ASIC2: variants seen among roughly 807,000 people sequenced by gnomAD.
ASIC2 encodes acid sensing ion channel subunit 2.
A neutral mutation model predicts 57.3 loss-of-function variants in ASIC2; 25 were observed. That is an observed-to-expected ratio of 0.44 (90% CI 0.32 to 0.61). The LOEUF (loss-of-function observed/expected upper bound fraction) is 0.61. ASIC2 is among the 20% of genes least tolerant of loss of function. ASIC2 has a pLI of 0.06. For synonymous variants in ASIC2, 319 were observed against 307.5 expected (o/e 1.04, Z -0.39); for missense variants, 641 against 738.1 (o/e 0.87, Z 1.52).
chr17:33,261,832 G>T (rs930532212), intron 1 of ASIC2, among the ~76,000 whole-genome samples: 13 of 152,270 alleles, frequency 8.5e-5, no homozygotes, highest in Non-Finnish European at 1.6e-4. Flanking sequence ...GAACGTGGGG[G>T]GTGCTGGCTG....
At chr17:33,133,041 C>T (rs767609560) in intron 1 of ASIC2, among the ~76,000 whole-genome samples, 16 of 152,264 alleles carry the variant, frequency 1.1e-4, no homozygotes, top group South Asian at 4.1e-4. Flanking sequence ...TGTAAGCAAA[C>T]GGCTACAATA....
At chr17:33,045,870 T>C (rs2091952211) in intron 3 of ASIC2, among the ~76,000 whole-genome samples, 1 of 152,210 alleles carries the variant, frequency 6.6e-6, no homozygotes, top group Non-Finnish European at 1.5e-5. Flanking sequence ...ACTTCCACCC[T>C]CAGCTGAAGA....
chr17:33,503,052 C>G (rs1201085155), intron 1 of ASIC2, among the ~76,000 whole-genome samples: 2 of 152,174 alleles, frequency 1.3e-5, no homozygotes, highest in Non-Finnish European at 2.9e-5. Flanking sequence ...CTCAGCAAGT[C>G]CTGATGCCTC....
At chr17:33,310,000 A>C in intron 1 of ASIC2, among the ~76,000 whole-genome samples, 1 of 150,088 alleles carries the variant, frequency 6.7e-6, no homozygotes, top group Non-Finnish European at 1.5e-5. Context: ...ATGGTTTCAA[A>C]GTTGAGTAAT....
At chr17:33,034,314 T>C (rs796550379) in intron 3 of ASIC2, among the ~76,000 whole-genome samples, 4 of 152,272 alleles carry the variant, frequency 2.6e-5, no homozygotes, top group African/African-American at 9.6e-5. Context: ...CTAGAGATCC[T>C]GTAACAATAC....
At chr17:34,019,849 G>A (rs1001173102) in intron 1 of ASIC2, among the ~76,000 whole-genome samples, 8 of 152,190 alleles carry the variant, frequency 5.3e-5, no homozygotes, top group Non-Finnish European at 7.3e-5. Context: ...TTGCTCAAGT[G>A]GCTGCATTCA....
intron 2 of ASIC2, among the ~76,000 whole-genome samples, chr17:33,094,623 A>G (rs1406550830): frequency 1.3e-5 from 2 of 152,186 alleles, no homozygotes; most frequent in Non-Finnish European, 2.9e-5. Context: ...TGGTACCACA[A>G]AGGGAAGGAC....
chr17:33,071,885 A>G (rs2092070725), intron 3 of ASIC2, among the ~76,000 whole-genome samples: 1 of 152,220 alleles, frequency 6.6e-6, no homozygotes, highest in Non-Finnish European at 1.5e-5. Flanking sequence ...ACTAGTAGGA[A>G]TAGGCACTAT....
intron 1 of ASIC2, among the ~76,000 whole-genome samples, chr17:34,033,882 C>CA (rs1225069865): frequency 6.6e-6 from 1 of 152,090 alleles, no homozygotes; most frequent in South Asian, 2.1e-4. Context: ...GCTTACCAAC[C>CA]AAAAAAAGTC....
At chr17:33,051,124 G>T (rs568070493) in intron 3 of ASIC2, among the ~76,000 whole-genome samples, 3 of 152,206 alleles carry the variant, frequency 2.0e-5, no homozygotes, top group African/African-American at 7.2e-5. Context: ...TCTTTTCAGA[G>T]ACCCATTGAG....
rs544349770 is a variant in ASIC2 at position 33,878,075 on chromosome 17, C to T, written c.555+277903G>A. ...GACTGTTAGAAGGAAAACTAACAAACAGAAAGGACAGCCACACCAAAACCC... is the reference window on the plus strand; with the variant it reads ...GACTGTTAGAAGGAAAACTAACAAATAGAAAGGACAGCCACACCAAAACCC... On this transcript the variant is annotated intron_variant, in intron 1 of 9. Transcript: ENST00000359872. Among the ~76,000 whole-genome samples, 3 of 152,312 alleles carry T rather than the reference C, an allele frequency of 2.0e-5. No individual in the cohort carries two copies. The East Asian group carries it at 5.8e-4, about 29-fold the overall frequency.
At chr17:33,552,030 G>A (rs1391175865) in intron 1 of ASIC2, among the ~76,000 whole-genome samples, 1 of 152,136 alleles carries the variant, frequency 6.6e-6, no homozygotes, top group Non-Finnish European at 1.5e-5. Context: ...TCAGACAGTC[G>A]GGATGGGCTC....
chr17:34,146,822 G>T (rs116760383), intron 1 of ASIC2: 2 of 152,188 alleles, frequency 1.3e-5, no homozygotes, highest in African/African-American at 4.8e-5. Flanking sequence ...GCTAATTCAC[G>T]CATGGAAGAC....
At position 33,023,911 on chromosome 17, in the gene ASIC2, T is replaced by C. The variant is rs746946021; in HGVS notation, c.1299A>G (p.Thr433=). 1 of 1,614,254 alleles carries C rather than the reference T, an allele frequency of 6.2e-7. No individual in the cohort carries two copies. The part of the protein sequence containing the change: ...ELSMVKIPSK[T]SAKYLEKKFN... ...ATTTCTTCTCAAGGTACTTGGCTGA[T>C]GTCTTGCTGGGGATCTTCACCATGG... is the stretch of plus-strand genomic sequence containing the variant. Residue 433 remains threonine (T), a synonymous_variant, in exon 6 of 10, where the codon ACA becomes ACG. Coordinates refer to ENST00000225823, the MANE Select transcript of ASIC2 (RefSeq NM_183377.2).
rs115924623 is a variant in ASIC2 at position 33,886,292 on chromosome 17, G to A, written c.555+269686C>T. Among the ~76,000 whole-genome samples the A allele has an allele frequency of 6.7e-3, 1,025 of 152,172 alleles. 9 individuals carry two copies. Among genetic ancestry groups the A allele is most frequent in the African/African-American group, 0.024 (987 of 41,510 alleles). ...TCCACATCACATCTCATTGGCCAAGGTAAGACACACGACCCTTTTTGATGT... is the reference window on the plus strand; with the variant it reads ...TCCACATCACATCTCATTGGCCAAGATAAGACACACGACCCTTTTTGATGT... On this transcript the variant is annotated intron_variant, in intron 1 of 9. Transcript: ENST00000359872.
intron 1 of ASIC2, among the ~76,000 whole-genome samples, chr17:33,158,380 G>T (rs1377739688): frequency 9.2e-5 from 14 of 152,224 alleles, no homozygotes; most frequent in African/African-American, 3.1e-4. Context: ...GGGAGACAAG[G>T]TTGGGGAGAG....
chr17:33,256,472 A>G (rs1161444699), intron 1 of ASIC2, among the ~76,000 whole-genome samples: 2 of 152,328 alleles, frequency 1.3e-5, no homozygotes, highest in East Asian at 3.9e-4. Context: ...TGCATTTTTT[A>G]AAACCATGTG....
In ASIC2 at chr17:33,739,857, GA is replaced by G. The variant is rs535538425; in HGVS notation, c.555+416120del. Among the ~76,000 whole-genome samples the G allele has an allele frequency of 7.4e-3, 573 of 77,452 alleles. 4 individuals carry two copies. The highest frequency in any genetic ancestry group is 0.026 in the African/African-American group (521 of 19,994). 50.8% of individuals were successfully genotyped at this position (77,452 alleles called of 152,430 possible). A position where few individuals can be genotyped will look rare whatever the true frequency, so the allele number is the denominator to read the frequency against. On this transcript the variant is annotated intron_variant, in intron 1 of 9. Transcript: ENST00000359872. ...AAGAAAGAGAAAGAAAAAAGAGAAA[GA>G]AAAAAAGAAGGAAGGAAAAAAGAAA...
intron 1 of ASIC2, among the ~76,000 whole-genome samples, chr17:33,318,557 T>A (rs1906746038): frequency 6.6e-6 from 1 of 152,216 alleles, no homozygotes; most frequent in South Asian, 2.1e-4. Flanking sequence ...CTTTCTAAGC[T>A]CCTGCCCACT....
Sources: allele counts gnomAD v4.1 joint callset (sites outside exome capture counted in the v4.1 genomes callset), GRCh38; gene constraint gnomAD v4.1.1; transcripts MANE v1.5; gene names NCBI Gene and HGNC (gene_info 2026-07-23, HGNC 2026-07-21).